Variants in ATP6V1H observed in about 807,000 individuals in gnomAD.
ATP6V1H encodes the protein ATPase H+ transporting V1 subunit H.
A neutral mutation model predicts 71.7 loss-of-function variants in ATP6V1H; 39 were observed. The observed-to-expected ratio is 0.54, with a 90% confidence interval of 0.42 to 0.71. The LOEUF (loss-of-function observed/expected upper bound fraction) is 0.71, where lower values mean the gene tolerates loss of function less well. Among genes scored for constraint, ATP6V1H ranks in the 30% least tolerant of loss-of-function variants. ATP6V1H has a pLI of 0.00. For synonymous variants in ATP6V1H, 192 were observed against 199.3 expected (o/e 0.96, Z 0.31); for missense variants, 509 against 594.9 (o/e 0.86, Z 1.50).
At chr8:53,841,548 G>C (rs755407350) in intron 2 of ATP6V1H, 30 bp downstream of exon 2, 1 of 1,610,892 alleles carries the variant, frequency 6.2e-7, no homozygotes, top group Non-Finnish European at 8.5e-7. Context: ...GCATATGACT[G>C]TCCATGATTC....
chr8:53,772,156 T>C lies in ATP6V1H; in HGVS notation c.882A>G (p.Glu294=), dbSNP rs1349478537. Residue 294 remains glutamate (E), a synonymous_variant, in exon 10 of 14, where the codon GAA becomes GAG. Coordinates refer to ENST00000359530, the MANE Select transcript of ATP6V1H (RefSeq NM_015941.4). Reference sequence around the variant, plus strand: ...GGCGAGTTTCTCTTTCAGTTGATTTTTCTAAAAAGTTCTGGGTTAGACAAA... The same window carrying C: ...GGCGAGTTTCTCTTTCAGTTGATTTCTCTAAAAAGTTCTGGGTTAGACAAA... ...IILAAFRNFL[E]KSTERETRQE... 6.2e-7 allele frequency: 1 copy of C among 1,610,954 alleles called. No homozygotes were observed. Among genetic ancestry groups the C allele is most frequent in the African/African-American group, 1.3e-5 (1 of 74,748 alleles).
At chr8:53,733,943 G>A (rs1807112683) in intron 13 of ATP6V1H, among the ~76,000 whole-genome samples, 1 of 152,152 alleles carries the variant, frequency 6.6e-6, no homozygotes, top group Non-Finnish European at 1.5e-5. Context: ...GACCCTGGCC[G>A]AGGCTGGTGG....
intron 12 of ATP6V1H, among the ~76,000 whole-genome samples, chr8:53,752,562 T>C (rs1055240078): frequency 1.3e-5 from 2 of 152,088 alleles, no homozygotes; most frequent in Admixed American, 1.3e-4. Context: ...CTTTTTTTTC[T>C]TTTTTTTGAG....
chr8:53,795,332 G>C (rs1436625470), intron 9 of ATP6V1H, among the ~76,000 whole-genome samples: 1 of 152,120 alleles, frequency 6.6e-6, no homozygotes, highest in Admixed American at 6.5e-5. Context: ...CCATAAGAGA[G>C]AAACTCCTTC....
chr8:53,785,269 T>A (rs893207495), intron 9 of ATP6V1H, among the ~76,000 whole-genome samples: 2 of 152,250 alleles, frequency 1.3e-5, no homozygotes, highest in Non-Finnish European at 1.5e-5. Context: ...ACTTCTCTTA[T>A]CACTTCATTT....
chr8:53,771,892 G>C, intron 10 of ATP6V1H, 97 bp downstream of exon 10: 1 of 1,093,258 alleles, frequency 9.1e-7, no homozygotes, highest in Non-Finnish European at 1.3e-6. Context: ...CTCTTGATTT[G>C]TATAGGTGAC....
At chr8:53,814,172 C>G (rs1390140352) in intron 6 of ATP6V1H, among the ~76,000 whole-genome samples, 1 of 152,140 alleles carries the variant, frequency 6.6e-6, no homozygotes, top group Non-Finnish European at 1.5e-5. Context: ...TCACTCGAAT[C>G]TTTCAGAGAG....
intron 9 of ATP6V1H, among the ~76,000 whole-genome samples, chr8:53,786,229 C>T (rs75525797): frequency 6.6e-6 from 1 of 152,204 alleles, no homozygotes; most frequent in African/African-American, 2.4e-5. Flanking sequence ...ACTCAAGCCT[C>T]GGCAATGGCG....
intron 13 of ATP6V1H, among the ~76,000 whole-genome samples, chr8:53,723,345 C>T (rs890721586): frequency 1.9e-4 from 29 of 152,180 alleles, no homozygotes; most frequent in Non-Finnish European, 3.1e-4. Context: ...CCCTCCTCAC[C>T]CCTGATCCCA....
chr8:53,782,523 T>C (rs1397823442), intron 9 of ATP6V1H, among the ~76,000 whole-genome samples: 1 of 152,148 alleles, frequency 6.6e-6, no homozygotes, highest in Non-Finnish European at 1.5e-5. Flanking sequence ...CCTAATTGAA[T>C]GCCCTTTATT....
intron 9 of ATP6V1H, 52 bp from the exon 10 acceptor site, chr8:53,772,219 AT>A (rs1563458954): frequency 7.1e-7 from 1 of 1,410,648 alleles, no homozygotes; most frequent in East Asian, 2.4e-5. Flanking sequence ...CATGTGATGG[AT>A]TCAGAGACCT....
intron 9 of ATP6V1H, among the ~76,000 whole-genome samples, chr8:53,773,749 A>C (rs1389793070): frequency 3.9e-5 from 6 of 152,204 alleles, no homozygotes; most frequent in African/African-American, 1.2e-4. Flanking sequence ...CACAGACTTC[A>C]AAGCAATTAT....
intron 9 of ATP6V1H, among the ~76,000 whole-genome samples, chr8:53,782,321 CT>C (rs545070225): frequency 0.018 from 2,761 of 151,972 alleles, 66 homozygotes; most frequent in African/African-American, 0.062. Flanking sequence ...TGGGAGTTCA[CT>C]CATGATTTGG....
chr8:53,802,770 GACAA>G (rs1639058668), intron 7 of ATP6V1H, among the ~76,000 whole-genome samples: 1 of 151,958 alleles, frequency 6.6e-6, no homozygotes, highest in South Asian at 2.1e-4. Flanking sequence ...AACACAGCTA[GACAA>G]ACATAGGAAC....
At chr8:53,752,551 T>C (rs113466139) in intron 12 of ATP6V1H, among the ~76,000 whole-genome samples, 3,010 of 152,294 alleles carry the variant, frequency 0.02, 39 homozygotes, top group South Asian at 0.039. Flanking sequence ...ATAGATACTT[T>C]CTTTTTTTTC....
intron 2 of ATP6V1H, among the ~76,000 whole-genome samples, chr8:53,834,601 T>TA (rs1289232444): frequency 6.6e-6 from 1 of 152,054 alleles, no homozygotes; most frequent in African/African-American, 2.4e-5. Flanking sequence ...AATTTTTTTA[T>TA]TTTTAGTAGA....
chr8:53,801,948 C>A, intron 7 of ATP6V1H, 52 bp from the exon 8 acceptor site: 2 of 1,469,694 alleles, frequency 1.4e-6, no homozygotes, highest in Admixed American at 1.9e-5. Flanking sequence ...TAAAGTCATG[C>A]GATCAGACAC....
Position 53,833,014 on chromosome 8 carries a change from C to A in ATP6V1H, c.186G>T (p.Lys62Asn). Residue 62 changes from lysine to asparagine, a missense_variant, in exon 3 of 14, where the codon AAG (lysine) becomes AAT (asparagine). By Grantham distance (94) the Lys-to-Asn change is moderately conservative. Around this residue, in one of 2 missense-constraint regions of ATP6V1H, gnomAD observed 297 missense variants for 303.3 expected, o/e 0.98. Transcript: ENST00000359530. ...TGCCTTCAGTTTGAAGCATCTCTTG[C>A]TTCTCTTCAGGGCTTCGTTTCATTT... ...RFEMKRSPEE[K>N]QEMLQTEGSQ... 4 of 1,613,602 alleles carry A rather than the reference C, an allele frequency of 2.5e-6. No individual in the cohort carries two copies. The highest frequency in any genetic ancestry group is 3.4e-6 in the Non-Finnish European group (4 of 1,179,692).
intron 8 of ATP6V1H, among the ~76,000 whole-genome samples, chr8:53,796,968 G>A (rs1585798365): frequency 6.6e-6 from 1 of 152,184 alleles, no homozygotes; most frequent in Admixed American, 6.5e-5. Context: ...TGTTTTTAAT[G>A]TTCTCATGCA....
Sources: allele counts gnomAD v4.1 joint callset (sites outside exome capture counted in the v4.1 genomes callset), GRCh38; gene constraint gnomAD v4.1.1; regional missense constraint gnomAD v4.1.1; transcripts MANE v1.5; gene names NCBI Gene and HGNC (gene_info 2026-07-23, HGNC 2026-07-21).